Variants in LRRC8B observed in about 807,000 individuals in gnomAD.
LRRC8B encodes volume-regulated anion channel subunit LRRC8B.
In LRRC8B, 23 loss-of-function variants were observed where a neutral mutation model predicts 58.8. The observed-to-expected ratio is 0.39, with a 90% confidence interval of 0.28 to 0.55. LRRC8B has a LOEUF of 0.55. Among genes scored for constraint, LRRC8B ranks in the 20% least tolerant of loss-of-function variants. The pLI is 0.62. For missense variants in LRRC8B, 694 were observed against 936.0 expected (o/e 0.74, Z 3.37); for synonymous variants, 359 against 374.1 (o/e 0.96, Z 0.47).
intron 1 of LRRC8B, among the ~76,000 whole-genome samples, chr1:89,551,633 A>G (rs554949396): frequency 7.9e-5 from 12 of 152,346 alleles, no homozygotes; most frequent in African/African-American, 2.6e-4. Flanking sequence ...AATTCAATGA[A>G]TATAAATATA....
intron 5 of LRRC8B, among the ~76,000 whole-genome samples, chr1:89,589,453 T>C (rs371814771): frequency 4.6e-5 from 7 of 152,248 alleles, no homozygotes; most frequent in African/African-American, 9.6e-5. Context: ...GTGGCATTGA[T>C]TGTAATGGAG....
intron 1 of LRRC8B, among the ~76,000 whole-genome samples, chr1:89,551,580 C>T (rs1651818772): frequency 6.6e-6 from 1 of 152,074 alleles, no homozygotes; most frequent in Non-Finnish European, 1.5e-5. Context: ...TCTTATTCAG[C>T]CCATACCACA....
At chr1:89,582,234 G>T (rs1479023754) in intron 4 of LRRC8B, among the ~76,000 whole-genome samples, 11 of 151,592 alleles carry the variant, frequency 7.3e-5, no homozygotes, top group African/African-American at 2.4e-4. Context: ...AAGAAAAAAA[G>T]AAAGAAAGAA....
chr1:89,553,625 A>T (rs1220374432), intron 1 of LRRC8B, among the ~76,000 whole-genome samples: 3 of 152,340 alleles, frequency 2.0e-5, no homozygotes, highest in Non-Finnish European at 4.4e-5. Flanking sequence ...CTTTGGAAAA[A>T]GTCAGTTAAG....
intron 1 of LRRC8B, among the ~76,000 whole-genome samples, chr1:89,534,139 T>A (rs1650345612): frequency 6.6e-6 from 1 of 152,232 alleles, no homozygotes; most frequent in Non-Finnish European, 1.5e-5. Flanking sequence ...TATAACAGTA[T>A]CTCTGAATGT....
intron 1 of LRRC8B, chr1:89,549,831 G>A (rs1032347602): frequency 6.6e-6 from 1 of 152,108 alleles, no homozygotes; most frequent in Non-Finnish European, 1.5e-5. Flanking sequence ...ATTTTACCAA[G>A]TGCAGGTCTT....
chr1:89,592,683 G>GTT (rs34096201), intron 5 of LRRC8B, 88 bp from the exon 6 acceptor site: 51,436 of 919,952 alleles, frequency 0.056, 4 homozygotes, highest in East Asian at 0.086. Flanking sequence ...GAAATGTTTT[G>GTT]TTTTTTTTTT....
chr1:89,533,340 C>T (rs1389453186), intron 1 of LRRC8B, among the ~76,000 whole-genome samples: 5 of 152,198 alleles, frequency 3.3e-5, no homozygotes, highest in Admixed American at 3.3e-4. Context: ...GCCACTCTGT[C>T]ATCTCTGTGT....
chr1:89,554,153 A>G (rs1652011502), intron 1 of LRRC8B, among the ~76,000 whole-genome samples: 1 of 152,150 alleles, frequency 6.6e-6, no homozygotes, highest in Non-Finnish European at 1.5e-5. Flanking sequence ...TTCTACTCTT[A>G]GCCCCATCAT....
At chr1:89,555,660 T>C (rs1375503145) in intron 1 of LRRC8B, among the ~76,000 whole-genome samples, 1 of 152,220 alleles carries the variant, frequency 6.6e-6, no homozygotes, top group Admixed American at 6.5e-5. Context: ...TGACCTGTCA[T>C]CATGTCAAGG....
intron 1 of LRRC8B, among the ~76,000 whole-genome samples, chr1:89,562,546 T>C (rs1365418611): frequency 6.6e-6 from 1 of 152,000 alleles, no homozygotes; most frequent in Non-Finnish European, 1.5e-5. Flanking sequence ...CAGTCTCGGC[T>C]CACTGCAGCC....
rs1654361128 is a variant in LRRC8B, at chr1:89,583,149, C to T, written c.499C>T (p.Arg167Cys). ...GTGCTTCGATTCTCCATGGACCACC[C>T]GCGCCCTTTCAGAAACAGTGGCTGA... ...HKCFDSPWTT[R>C]ALSETVAEQS... The change falls in exon 5 of 6, where the codon CGC (arginine) becomes TGC (cysteine). Residue 167 changes from arginine (R) to cysteine (C), a missense_variant. By Grantham distance (180) the Arg-to-Cys change is radical. Around this residue, in one of 5 missense-constraint regions of LRRC8B, gnomAD observed 316 missense variants for 403.8 expected, o/e 0.78. Transcript: ENST00000330947. This position sits in a 1 kb window ranked among gnomAD's most constrained non-coding sequence, Gnocchi z 5.2. 6.2e-7 allele frequency: 1 copy of T among 1,614,156 alleles called. No individual in the cohort carries two copies. Among genetic ancestry groups the T allele is most frequent in the Non-Finnish European group, 8.5e-7 (1 of 1,180,026 alleles).
chr1:89,530,023 C>T (rs954042518), intron 1 of LRRC8B, among the ~76,000 whole-genome samples: 3 of 152,046 alleles, frequency 2.0e-5, no homozygotes, highest in African/African-American at 7.2e-5. Context: ...TCACTGCAAA[C>T]AGATGAGAAG....
At chr1:89,539,652 A>T (rs566827098) in intron 1 of LRRC8B, among the ~76,000 whole-genome samples, 1 of 152,350 alleles carries the variant, frequency 6.6e-6, no homozygotes, top group South Asian at 2.1e-4. Flanking sequence ...ACTTCTGCTG[A>T]AGCATATTCC....
In LRRC8B at chr1:89,593,373, ATC is replaced by A; in HGVS notation, c.*333_*334del. 1.4e-5 allele frequency: 2 copies of A among 146,890 alleles called. No homozygotes were observed. Among genetic ancestry groups the A allele is most frequent in the Non-Finnish European group, 1.4e-5 (1 of 71,854 alleles). The allele number at this position is 146,890 out of a possible 1,614,324, so 9.1% of individuals were successfully genotyped here. On this transcript the variant is annotated 3_prime_UTR_variant, in exon 6 of 6. Transcript: ENST00000330947. Reference sequence around the variant, plus strand: ...GCCTGGGTGACAGAGCAAGACTCTTATCTCAAAAAAAAAAAAAAAATGCTCCA... The same window carrying A: ...GCCTGGGTGACAGAGCAAGACTCTTATCAAAAAAAAAAAAAAAATGCTCCA...
intron 1 of LRRC8B, among the ~76,000 whole-genome samples, chr1:89,559,824 T>C (rs1027963174): frequency 6.6e-6 from 1 of 152,224 alleles, no homozygotes; most frequent in South Asian, 2.1e-4. Context: ...TTTCTTGCTA[T>C]AACCAATTTT....
At chr1:89,547,960 T>C (rs1447578044) in intron 1 of LRRC8B, among the ~76,000 whole-genome samples, 2 of 152,222 alleles carry the variant, frequency 1.3e-5, no homozygotes, top group East Asian at 3.9e-4. Context: ...ATTTTCAGTC[T>C]AGCTGATTTG....
At chr1:89,529,365 T>C (rs1051566560) in intron 1 of LRRC8B, among the ~76,000 whole-genome samples, 34 of 152,270 alleles carry the variant, frequency 2.2e-4, no homozygotes, top group African/African-American at 8.2e-4. Context: ...GGTTTTTGAG[T>C]GTCAGGGAGC....
chr1:89,586,579 C>T lies in LRRC8B; in HGVS notation c.2139+1790C>T, dbSNP rs1463907560. On this transcript the variant is annotated intron_variant, in intron 5 of 5. Coordinates refer to ENST00000330947, the MANE Select transcript of LRRC8B (RefSeq NM_001369817.2). ...TGAAGAAACCTTGAGACCATTAGTA[C>T]TTTTGACACCAAGTTTATGGAATCC... is the stretch of plus-strand genomic sequence containing the variant. 2.0e-5 allele frequency among the ~76,000 whole-genome samples: 3 copies of T among 152,264 alleles called. No individual in the cohort carries two copies. In the East Asian group the frequency reaches 5.8e-4, roughly 29 times the overall value.
Sources: allele counts gnomAD v4.1 joint callset (sites outside exome capture counted in the v4.1 genomes callset), GRCh38; gene constraint gnomAD v4.1.1; regional missense constraint gnomAD v4.1.1; non-coding constraint Gnocchi (gnomAD v3.1); transcripts MANE v1.5; gene names NCBI Gene and HGNC (gene_info 2026-07-23, HGNC 2026-07-21).